The following INSR variants were observed in gnomAD, a reference collection of about 807,000 sequenced individuals.
The protein encoded by INSR is insulin receptor, also known as IR.
In INSR, 67 loss-of-function variants were observed where a neutral mutation model predicts 142.6. The ratio of observed to expected loss-of-function variants is 0.47; its 90% CI spans 0.39 to 0.58. The LOEUF is 0.58. INSR is among the 20% of genes least tolerant of loss of function. The pLI is 0.00. For synonymous variants in INSR, 756 were observed against 743.1 expected, an observed-to-expected ratio of 1.02 and a Z score of -0.28; for missense variants, 1,248 against 1,833.2, an observed-to-expected ratio of 0.68 and a Z score of 5.83.
chr19:7,142,381 C>T (rs1599896204), intron 12 of INSR, among the ~76,000 whole-genome samples: 3 of 88,582 alleles, frequency 3.4e-5, no homozygotes, highest in South Asian at 8.5e-4. Context: ...CAGAGCAAGA[C>T]TTCATCTCAA....
Position 7,115,238 on chromosome 19 carries a change from T to C in INSR, c.*1818A>G, listed in dbSNP as rs1275695782. 6.6e-6 allele frequency: 1 copy of C among 152,244 alleles called. No individual in the cohort carries two copies. The highest frequency in any genetic ancestry group is 1.5e-5 in the Non-Finnish European group (1 of 68,048). 9.4% of individuals were successfully genotyped at this position (152,244 alleles called of 1,614,324 possible). The stretch of plus-strand genomic sequence containing the variant: ...CTCAGGAATAACGCATGGGCGATGA[T>C]TTTTTGATGAACCAAAGTGATGAGT... On this transcript the variant is annotated 3_prime_UTR_variant, in exon 22 of 22. Coordinates refer to ENST00000302850, the MANE Select transcript of INSR (RefSeq NM_000208.4).
chr19:7,155,159 T>C (rs1973556961), intron 9 of INSR, among the ~76,000 whole-genome samples: 1 of 151,974 alleles, frequency 6.6e-6, no homozygotes, highest in South Asian at 2.1e-4. Context: ...GAAAGCACCA[T>C]CCACATATCG....
intron 2 of INSR, among the ~76,000 whole-genome samples, chr19:7,214,842 T>C (rs1436441349): frequency 8.7e-6 from 1 of 114,570 alleles, no homozygotes; most frequent in South Asian, 3.3e-4. Flanking sequence ...CCCTCCCTCC[T>C]TCCTTCCTTC....
intron 19 of INSR, among the ~76,000 whole-genome samples, chr19:7,122,047 G>A (rs1177574810): frequency 6.6e-6 from 1 of 152,066 alleles, no homozygotes; most frequent in East Asian, 1.9e-4. Context: ...GGAGGCTGAG[G>A]CAGGAGAATC....
intron 1 of INSR, among the ~76,000 whole-genome samples, chr19:7,291,893 C>G (rs558496157): frequency 6.6e-6 from 1 of 151,968 alleles, no homozygotes; most frequent in Admixed American, 6.6e-5. Context: ...CCCGGGTTTA[C>G]GCCATTCTCC....
intron 2 of INSR, among the ~76,000 whole-genome samples, chr19:7,207,946 G>GGAAGA (rs1975158330): frequency 1.8e-5 from 1 of 54,876 alleles, no homozygotes; most frequent in Admixed American, 2.2e-4. Flanking sequence ...GGAAGGGAAG[G>GGAAGA]AGGGAGGGAG....
intron 13 of INSR, among the ~76,000 whole-genome samples, chr19:7,137,353 G>T (rs922027714): frequency 6.6e-6 from 1 of 151,886 alleles, no homozygotes; most frequent in Admixed American, 6.6e-5. Flanking sequence ...GATGTCACAT[G>T]ACCTCAGTCT....
At chr19:7,199,763 C>T (rs1166437014) in intron 2 of INSR, among the ~76,000 whole-genome samples, 1 of 151,962 alleles carries the variant, frequency 6.6e-6, no homozygotes, top group Non-Finnish European at 1.5e-5. Flanking sequence ...CCAGATCTGA[C>T]ACCCTCTTGG....
At chr19:7,252,014 C>T (rs1976743446) in intron 2 of INSR, among the ~76,000 whole-genome samples, 1 of 152,138 alleles carries the variant, frequency 6.6e-6, no homozygotes, top group African/African-American at 2.4e-5. Context: ...TGGCTCACGC[C>T]TGTAATTGTA....
intron 2 of INSR, among the ~76,000 whole-genome samples, chr19:7,202,417 A>G (rs867045150): frequency 6.6e-6 from 1 of 152,108 alleles, no homozygotes; most frequent in African/African-American, 2.4e-5. Flanking sequence ...CATCATTGTC[A>G]TCTTCAAATA....
chr19:7,264,683 C>T (rs1053443562), intron 2 of INSR, among the ~76,000 whole-genome samples: 1 of 152,218 alleles, frequency 6.6e-6, no homozygotes, highest in African/African-American at 2.4e-5. Flanking sequence ...TTGGCACAAA[C>T]CCCAGTTCTG....
At chr19:7,142,735 T>A in intron 12 of INSR, 81 bp downstream of exon 12, 2 of 1,524,980 alleles carry the variant, frequency 1.3e-6, no homozygotes, top group African/African-American at 1.4e-5. Context: ...AGATATGCAC[T>A]GCTTAGAGGG....
At chr19:7,194,330 T>G (rs971607236) in intron 2 of INSR, among the ~76,000 whole-genome samples, 1 of 151,750 alleles carries the variant, frequency 6.6e-6, no homozygotes, top group Non-Finnish European at 1.5e-5. Flanking sequence ...GGCAGGAGAA[T>G]TGCTTGAACC....
chr19:7,166,002 C>G lies in INSR; in HGVS notation c.1861+152G>C. The G allele has an allele frequency of 1.1e-6, 1 of 872,032 alleles. No individual in the cohort carries two copies. The highest frequency in any genetic ancestry group is 1.8e-6 in the Non-Finnish European group (1 of 560,730). The allele number at this position is 872,032 out of a possible 1,614,324, so 54.0% of individuals were successfully genotyped here. A position where few individuals can be genotyped will look rare whatever the true frequency, so the allele number is the denominator to read the frequency against. On this transcript the variant is annotated intron_variant, in intron 8 of 21. Coordinates refer to ENST00000302850, the MANE Select transcript of INSR (RefSeq NM_000208.4). This position sits in a 1 kb window ranked among gnomAD's most constrained non-coding sequence, Gnocchi z 4.1. ...CATGATCACCCCACTGCATTGCACT[C>G]TAGCCTGGGTGACAAAGTAAGACCC...
rs548363494 is a variant in INSR at position 7,175,096 on chromosome 19, G to T, written c.975-365C>A. ...TGACCTCAAGTGATCCACCCGCCTCGGCCTCCCAAAGTGCTGGGATTACAG... is the reference window on the plus strand; with the variant it reads ...TGACCTCAAGTGATCCACCCGCCTCTGCCTCCCAAAGTGCTGGGATTACAG... On this transcript the variant is annotated intron_variant, in intron 3 of 21. Transcript: ENST00000302850. 3.3e-5 allele frequency among the ~76,000 whole-genome samples: 5 copies of T among 152,100 alleles called. No homozygotes were observed. In the East Asian group the frequency reaches 9.7e-4, roughly 29 times the overall value.
At chr19:7,151,176 C>CT (rs1168496971) in intron 10 of INSR, among the ~76,000 whole-genome samples, 172 of 8,660 alleles carry the variant, frequency 0.02, 4 homozygotes, top group African/African-American at 0.025. Context: ...TTCTTTCTTT[C>CT]TTTCTTTCTT....
intron 1 of INSR, among the ~76,000 whole-genome samples, chr19:7,272,507 G>A (rs528380358): frequency 8.6e-5 from 13 of 151,732 alleles, no homozygotes; most frequent in Middle Eastern, 3.2e-3. Context: ...AATCCCAGCT[G>A]CTACGGAGGC....
chr19:7,250,404 T>A (rs1245889494), intron 2 of INSR, among the ~76,000 whole-genome samples: 31 of 99,288 alleles, frequency 3.1e-4, no homozygotes, highest in Non-Finnish European at 3.5e-4. Context: ...GGAAGGGAGG[T>A]AAGAAATAAA....
intron 2 of INSR, among the ~76,000 whole-genome samples, chr19:7,210,885 A>C (rs1975255218): frequency 6.6e-6 from 1 of 151,930 alleles, no homozygotes; most frequent in South Asian, 2.1e-4. Context: ...ACCCACCACC[A>C]TGCCCAGCTA....
Sources: gnomAD v4.1 joint callset for allele counts (sites outside exome capture counted in the v4.1 genomes callset) on GRCh38, gnomAD v4.1.1 for gene constraint, Gnocchi (gnomAD v3.1) non-coding constraint, MANE v1.5 for transcripts, NCBI Gene and HGNC (gene_info 2026-07-23, HGNC 2026-07-21) for gene names.